The following WDR49 variants were observed in gnomAD, a reference collection of about 807,000 sequenced individuals.
WDR49 encodes WD repeat domain 49.
WDR49 carries 107 observed loss-of-function variants against 119.5 expected under a neutral mutation model. That is an observed-to-expected ratio of 0.90 (90% CI 0.77 to 1.05). The LOEUF (loss-of-function observed/expected upper bound fraction) is 1.05, where lower values mean the gene tolerates loss of function less well. WDR49 is among the 50% of genes least tolerant of loss of function. WDR49 has a pLI of 0.00. For missense variants in WDR49, 1,240 were observed against 1,220.5 expected, an observed-to-expected ratio of 1.02 and a Z score of -0.24; for synonymous variants, 425 against 418.8, an observed-to-expected ratio of 1.01 and a Z score of -0.18.
At chr3:167,607,826 C>T (rs1030461116) in intron 5 of WDR49, among the ~76,000 whole-genome samples, 1 of 152,258 alleles carries the variant, frequency 6.6e-6, no homozygotes, top group Admixed American at 6.5e-5. Flanking sequence ...CTCTGATCCC[C>T]ACGGGAACAG....
chr3:167,575,223 C>T (rs1308811464), intron 8 of WDR49: 1 of 985,596 alleles, frequency 1.0e-6, no homozygotes, highest in Non-Finnish European at 1.2e-6. Flanking sequence ...TTCATGATAC[C>T]CACAGGCTGC....
intron 2 of WDR49, among the ~76,000 whole-genome samples, chr3:167,644,042 C>T (rs1002174644): frequency 6.8e-6 from 1 of 146,908 alleles, no homozygotes; most frequent in African/African-American, 2.6e-5. Context: ...ATGACAAATT[C>T]CCCCCAATCC....
At chr3:167,504,760 A>T (rs1372281087) in intron 17 of WDR49, among the ~76,000 whole-genome samples, 1 of 152,124 alleles carries the variant, frequency 6.6e-6, no homozygotes, top group African/African-American at 2.4e-5. Context: ...GTTGAAATGT[A>T]ATCCCCAGTG....
intron 8 of WDR49, among the ~76,000 whole-genome samples, chr3:167,573,040 A>G (rs1714026274): frequency 6.6e-6 from 1 of 152,196 alleles, no homozygotes; most frequent in Admixed American, 6.5e-5. Context: ...AATCTTAAGA[A>G]GTTAATAAGA....
At chr3:167,636,961 ACT>A (rs1717649950) in intron 2 of WDR49, among the ~76,000 whole-genome samples, 1 of 151,676 alleles carries the variant, frequency 6.6e-6, no homozygotes, top group African/African-American at 2.4e-5. Flanking sequence ...TACTCTGCTG[ACT>A]GTTCCTTTTG....
At chr3:167,600,548 A>G (rs1577267752) in intron 7 of WDR49, among the ~76,000 whole-genome samples, 1 of 152,070 alleles carries the variant, frequency 6.6e-6, no homozygotes, top group South Asian at 2.1e-4. Flanking sequence ...ATTGGGGGAG[A>G]CCATTGGTGG....
At chr3:167,617,733 C>T (rs189700086) in intron 5 of WDR49, among the ~76,000 whole-genome samples, 205 of 152,174 alleles carry the variant, frequency 1.3e-3, no homozygotes, top group Non-Finnish European at 1.3e-3. Context: ...TTTTATAAGA[C>T]GTCCTAAGAT....
At chr3:167,620,305 A>G (rs914401167) in intron 5 of WDR49, 124 bp downstream of exon 5, 2 of 1,001,536 alleles carry the variant, frequency 2.0e-6, no homozygotes, top group Non-Finnish European at 2.7e-6. Context: ...CCAGGCCACA[A>G]CCTCCAGAGA....
At chr3:167,640,361 G>A (rs963735548) in intron 2 of WDR49, among the ~76,000 whole-genome samples, 2 of 151,666 alleles carry the variant, frequency 1.3e-5, no homozygotes, top group Non-Finnish European at 2.9e-5. Context: ...ATCTTCCGTT[G>A]ACATTGCCAT....
chr3:167,645,315 A>G (rs1718068227), intron 2 of WDR49, among the ~76,000 whole-genome samples: 1 of 152,006 alleles, frequency 6.6e-6, no homozygotes, highest in Admixed American at 6.6e-5. Flanking sequence ...GGTTCAAGCA[A>G]TTCTCCCCCC....
In WDR49 at chr3:167,488,214, TA is replaced by T. The variant is rs545889705; in HGVS notation, c.3032-9219del. Among the ~76,000 whole-genome samples the T allele has an allele frequency of 5.4e-3, 772 of 142,382 alleles. 6 individuals are homozygous for T. The highest frequency in any genetic ancestry group is 0.019 in the African/African-American group (752 of 38,834). 93.4% of individuals were successfully genotyped at this position (142,382 alleles called of 152,430 possible). A position where few individuals can be genotyped will look rare whatever the true frequency, so the allele number is the denominator to read the frequency against. ...CACACCATGGAATACTATGCAACCA[TA>T]AAAAATATGAAATCATGTCTTTTGC... On this transcript the variant is annotated intron_variant, in intron 18 of 18. Transcript: ENST00000682715.
intron 10 of WDR49, among the ~76,000 whole-genome samples, chr3:167,553,288 T>C (rs1339561623): frequency 6.6e-6 from 1 of 152,010 alleles, no homozygotes. Flanking sequence ...ATGGAAAAAG[T>C]GATAATTTTT....
rs539372716 is a variant in WDR49 at position 167,568,938 on chromosome 3, C to T, written c.1509+6980G>A. On this transcript the variant is annotated intron_variant, in intron 8 of 18. Coordinates refer to ENST00000682715, the MANE Select transcript of WDR49 (RefSeq NM_001366157.1). ...CATTGCAGCAGTGCAGTATGTACTA[C>T]AGTTAATTTTTTTTTTTTTTTGAGA... 2.7e-5 allele frequency among the ~76,000 whole-genome samples: 4 copies of T among 148,058 alleles called. No individual in the cohort carries two copies. The East Asian group carries it at 6.0e-4, about 22-fold the overall frequency.
intron 18 of WDR49, among the ~76,000 whole-genome samples, chr3:167,496,690 C>T (rs868532504): frequency 9.9e-5 from 15 of 152,272 alleles, no homozygotes; most frequent in African/African-American, 3.4e-4. Flanking sequence ...ATTATCTCTG[C>T]GTCTTTAGCA....
chr3:167,632,154 G>A (rs1263649846), intron 2 of WDR49, among the ~76,000 whole-genome samples: 1 of 151,946 alleles, frequency 6.6e-6, no homozygotes, highest in African/African-American at 2.4e-5. Context: ...CTCTTAGATT[G>A]TCTCGTCAAT....
chr3:167,581,943 T>C (rs1277078971), intron 7 of WDR49, among the ~76,000 whole-genome samples: 1 of 152,126 alleles, frequency 6.6e-6, no homozygotes, highest in African/African-American at 2.4e-5. Flanking sequence ...CCTGCTTGGC[T>C]TTATCAAACA....
chr3:167,551,272 T>C (rs1712549221), intron 10 of WDR49, among the ~76,000 whole-genome samples: 1 of 151,908 alleles, frequency 6.6e-6, no homozygotes, highest in Non-Finnish European at 1.5e-5. Context: ...TTACATTCAG[T>C]ATACTGTAGT....
intron 10 of WDR49, 34 bp from the exon 11 acceptor site, chr3:167,537,034 C>A (rs371679814): frequency 6.5e-7 from 1 of 1,537,110 alleles, no homozygotes; most frequent in Non-Finnish European, 8.8e-7. Flanking sequence ...AGCTGTGGAT[C>A]TAAAATTGAT....
At chr3:167,645,433 C>A (rs1160179684) in intron 2 of WDR49, among the ~76,000 whole-genome samples, 2 of 152,058 alleles carry the variant, frequency 1.3e-5, no homozygotes, top group African/African-American at 4.8e-5. Flanking sequence ...TAGTCTTGAA[C>A]TCCTGACCTC....
Sources: allele counts gnomAD v4.1 joint callset (sites outside exome capture counted in the v4.1 genomes callset), GRCh38; gene constraint gnomAD v4.1.1; transcripts MANE v1.5; gene names NCBI Gene and HGNC (gene_info 2026-07-23, HGNC 2026-07-21).